Variants in PPP2R2B observed in about 807,000 individuals in gnomAD.
The protein encoded by PPP2R2B is protein phosphatase 2 regulatory subunit Bbeta.
Under a neutral mutation model 46.0 loss-of-function variants are expected in PPP2R2B, and 5 were observed. The ratio of observed to expected loss-of-function variants is 0.11; its 90% CI spans 0.06 to 0.23. The LOEUF is 0.23. PPP2R2B is among the 10% of genes least tolerant of loss of function. The probability of loss-of-function intolerance (pLI) is 1.00; values close to 1 mark genes in which losing one functional copy is unlikely to be tolerated. For missense variants in PPP2R2B, 367 were observed against 575.0 expected (o/e 0.64, Z 3.70); for synonymous variants, 215 against 206.7 (o/e 1.04, Z -0.34).
chr5:146,993,655 T>C (rs1046503858), intron 1 of PPP2R2B, among the ~76,000 whole-genome samples: 4 of 152,150 alleles, frequency 2.6e-5, no homozygotes, highest in African/African-American at 9.7e-5. Flanking sequence ...TTTCCAAGCC[T>C]CAGCTTTCTT....
At chr5:146,794,860 A>G (rs1190753232) in intron 2 of PPP2R2B, among the ~76,000 whole-genome samples, 3 of 152,126 alleles carry the variant, frequency 2.0e-5, no homozygotes, top group Admixed American at 6.6e-5. Flanking sequence ...CCACTGACTC[A>G]TCCAATTTAT....
intron 1 of PPP2R2B, among the ~76,000 whole-genome samples, chr5:146,951,930 C>T (rs1041935687): frequency 6.6e-5 from 10 of 150,548 alleles, no homozygotes; most frequent in African/African-American, 2.2e-4. Context: ...TTTGGAGAAT[C>T]GCCACAGTGT....
chr5:146,878,957 C>G, upstream of PPP2R2B: 1 of 1,115,330 alleles, frequency 9.0e-7, no homozygotes, highest in Non-Finnish European at 1.1e-6. This position sits in a 1 kb window ranked among gnomAD's most constrained non-coding sequence, Gnocchi z 4.5. Flanking sequence ...AACGCATAGA[C>G]GCGCTCTTCC....
intron 2 of PPP2R2B, among the ~76,000 whole-genome samples, chr5:146,761,360 T>A (rs927537063): frequency 2.0e-5 from 3 of 152,192 alleles, no homozygotes; most frequent in African/African-American, 7.2e-5. Flanking sequence ...TCATGTCCTT[T>A]GTAGGGACAT....
chr5:146,752,309 A>C (rs1753604604), intron 2 of PPP2R2B, among the ~76,000 whole-genome samples: 1 of 152,080 alleles, frequency 6.6e-6, no homozygotes, highest in African/African-American at 2.4e-5. Flanking sequence ...AGATGAAAAA[A>C]AGCAGTGCCT....
intron 1 of PPP2R2B, among the ~76,000 whole-genome samples, chr5:146,956,029 G>T (rs1461307896): frequency 6.6e-6 from 1 of 151,742 alleles, no homozygotes; most frequent in Non-Finnish European, 1.5e-5. Context: ...CACCTACCTC[G>T]GCTTCCCAAA....
intron 2 of PPP2R2B, among the ~76,000 whole-genome samples, chr5:146,730,602 C>T (rs956773147): frequency 1.3e-5 from 2 of 152,142 alleles, no homozygotes; most frequent in African/African-American, 2.4e-5. Flanking sequence ...CAGTCTTTCC[C>T]GTGCTAGTCT....
chr5:146,875,672 G>A (rs570982614), intron 2 of PPP2R2B, among the ~76,000 whole-genome samples: 96 of 152,256 alleles, frequency 6.3e-4, no homozygotes, highest in Non-Finnish European at 5.9e-5. Context: ...GCAGGTAGGA[G>A]GAAAATGTAG....
At chr5:146,670,476 A>ATTTAT (rs1777273136) in intron 5 of PPP2R2B, among the ~76,000 whole-genome samples, 32 of 144,262 alleles carry the variant, frequency 2.2e-4, no homozygotes, top group East Asian at 1.4e-3. Flanking sequence ...TATGTGTACT[A>ATTTAT]TTATTTATTT....
At chr5:146,699,055 C>G (rs1779386784) in intron 3 of PPP2R2B, among the ~76,000 whole-genome samples, 1 of 152,176 alleles carries the variant, frequency 6.6e-6, no homozygotes, top group Non-Finnish European at 1.5e-5. Context: ...TCCTTATTAC[C>G]AAGAGCTTCA....
intron 2 of PPP2R2B, among the ~76,000 whole-genome samples, chr5:146,789,324 A>G (rs1176081094): frequency 6.6e-6 from 1 of 152,210 alleles, no homozygotes; most frequent in African/African-American, 2.4e-5. Flanking sequence ...CAGTCTCTCC[A>G]TAAAACTTTC....
intron 1 of PPP2R2B, among the ~76,000 whole-genome samples, chr5:146,935,236 T>C (rs1450815458): frequency 1.3e-5 from 2 of 152,124 alleles, no homozygotes; most frequent in East Asian, 1.9e-4. Context: ...ATTAGTGCCA[T>C]TATGTAATAG....
chr5:146,591,101 G>C (rs1205990164), intron 9 of PPP2R2B, among the ~76,000 whole-genome samples: 2 of 151,990 alleles, frequency 1.3e-5, no homozygotes, highest in Admixed American at 1.3e-4. Flanking sequence ...AGATTCCTTG[G>C]GCCAGGGCAA....
intron 1 of PPP2R2B, among the ~76,000 whole-genome samples, chr5:147,015,165 G>A (rs1263037662): frequency 6.6e-6 from 1 of 151,790 alleles, no homozygotes; most frequent in Non-Finnish European, 1.5e-5. Flanking sequence ...CTGACACAGA[G>A]AAGGTGCTTA....
intron 2 of PPP2R2B, among the ~76,000 whole-genome samples, chr5:146,763,912 G>C (rs886404616): frequency 6.6e-6 from 1 of 152,096 alleles, no homozygotes; most frequent in Non-Finnish European, 1.5e-5. Flanking sequence ...ATTTTTTGTA[G>C]AGGGGGGTCT....
intron 1 of PPP2R2B, among the ~76,000 whole-genome samples, chr5:146,946,188 G>T (rs542364760): frequency 6.6e-6 from 1 of 152,264 alleles, no homozygotes; most frequent in East Asian, 1.9e-4. Flanking sequence ...CTAGTAGCGA[G>T]TATAGCCCAA....
At chr5:146,621,268 T>C (rs1773673134) in intron 7 of PPP2R2B, among the ~76,000 whole-genome samples, 1 of 152,224 alleles carries the variant, frequency 6.6e-6, no homozygotes, top group African/African-American at 2.4e-5. Flanking sequence ...CATCGAGTAG[T>C]GATAGTCTTC....
intron 2 of PPP2R2B, among the ~76,000 whole-genome samples, chr5:146,836,378 G>A (rs1192256504): frequency 1.3e-5 from 2 of 152,190 alleles, no homozygotes; most frequent in East Asian, 1.9e-4. Context: ...TGGGATGGAT[G>A]GCAAGAATTG....
intron 1 of PPP2R2B, among the ~76,000 whole-genome samples, chr5:147,027,733 C>T (rs1755598294): frequency 6.6e-6 from 1 of 151,878 alleles, no homozygotes; most frequent in Non-Finnish European, 1.5e-5. Flanking sequence ...TCTGTATCTT[C>T]ACTGTGGTGA....
Sources: allele counts gnomAD v4.1 joint callset (sites outside exome capture counted in the v4.1 genomes callset), GRCh38; gene constraint gnomAD v4.1.1; non-coding constraint Gnocchi (gnomAD v3.1); transcripts MANE v1.5; gene names NCBI Gene and HGNC (gene_info 2026-07-23, HGNC 2026-07-21).